Variants in PCDHA7 observed in about 807,000 individuals in gnomAD.
PCDHA7 encodes the protein protocadherin alpha 7.
In PCDHA7, 37 loss-of-function variants were observed where a neutral mutation model predicts 57.2. That is an observed-to-expected ratio of 0.65 (90% confidence interval 0.50 to 0.85). PCDHA7 has a LOEUF of 0.85. Among genes scored for constraint, PCDHA7 ranks in the 40% least tolerant of loss-of-function variants. PCDHA7 has a pLI of 0.00. For missense variants in PCDHA7, 1,188 were observed against 1,241.8 expected (o/e 0.96, Z 0.65); for synonymous variants, 553 against 558.8 (o/e 0.99, Z 0.15).
chr5:140,882,545 G>A (rs1174281421), intron 1 of PCDHA7: 4 of 1,614,238 alleles, frequency 2.5e-6, no homozygotes. Context: ...GATCGACCGC[G>A]AGGAGCTGTG....
chr5:140,999,217 A>G (rs2097851437), intron 3 of PCDHA7, among the ~76,000 whole-genome samples: 1 of 152,232 alleles, frequency 6.6e-6, no homozygotes, highest in Non-Finnish European at 1.5e-5. Context: ...TGGAAGTACT[A>G]CATTTGAGAA....
intron 1 of PCDHA7, among the ~76,000 whole-genome samples, chr5:140,891,121 T>C (rs74535477): frequency 0.041 from 6,261 of 152,308 alleles, 144 homozygotes; most frequent in Middle Eastern, 0.061. Context: ...TCAATCTAAA[T>C]GTCATTCCTT....
At chr5:140,862,755 C>A in intron 1 of PCDHA7, 1 of 577,344 alleles carries the variant, frequency 1.7e-6, no homozygotes, top group South Asian at 1.4e-5. Context: ...ACGCGGAGAG[C>A]GGCAAGAGGT....
intron 1 of PCDHA7, chr5:140,870,360 C>T (rs1562642999): frequency 6.2e-7 from 1 of 1,614,166 alleles, no homozygotes; most frequent in Non-Finnish European, 8.5e-7. Context: ...ACGTGTGGGC[C>T]TATGAACTGG....
chr5:140,856,128 G>A lies in PCDHA7; in HGVS notation c.2355+19390G>A, dbSNP rs1554148229. On this transcript the variant is annotated intron_variant, in intron 1 of 3. Coordinates refer to ENST00000525929, the MANE Select transcript of PCDHA7 (RefSeq NM_018910.3). ...CTCCTCGCAGCCTGGGAGGTGGGGA[G>A]CGGCCAGCTCCACTACTCAGTCTAC... The A allele has an allele frequency of 1.9e-6, 3 of 1,598,140 alleles. 1 individual carries two copies. The highest frequency in any genetic ancestry group is 2.6e-6 in the Non-Finnish European group (3 of 1,167,806).
intron 1 of PCDHA7, among the ~76,000 whole-genome samples, chr5:140,935,092 C>T (rs1015892831): frequency 2.6e-5 from 4 of 152,100 alleles, no homozygotes; most frequent in Non-Finnish European, 5.9e-5. Context: ...TTCCCAGAAT[C>T]AGCCATTTTT....
At chr5:140,849,879 G>T (rs1554143450) in intron 1 of PCDHA7, 2 of 1,598,636 alleles carry the variant, frequency 1.3e-6, no homozygotes, top group Admixed American at 1.7e-5. Context: ...CGAGTACACG[G>T]TGTTCGTGAA....
chr5:140,929,681 AAG>A, intron 1 of PCDHA7: 1 of 302,408 alleles, frequency 3.3e-6, no homozygotes, highest in Non-Finnish European at 6.3e-6. Flanking sequence ...AAAAATATGT[AAG>A]AGTCTGCTTT....
rs2150368391 is a variant in PCDHA7 at position 140,844,038 on chromosome 5, G to A, written c.2355+7300G>A. On this transcript the variant is annotated intron_variant, in intron 1 of 3. Transcript: ENST00000525929. ...CGTTCAGGGCATTTTGATCTTTGGT[G>A]AAAGTATTCCCCCAAAGCGTTTATT... 1.1e-4 allele frequency among the ~76,000 whole-genome samples: 17 copies of A among 149,594 alleles called. 2 individuals are homozygous for A. Among genetic ancestry groups the A allele is most frequent in the South Asian group, 2.1e-4 (1 of 4,726 alleles).
chr5:140,990,871 G>GT, intron 3 of PCDHA7, among the ~76,000 whole-genome samples: 1 of 152,284 alleles, frequency 6.6e-6, no homozygotes, highest in East Asian at 1.9e-4. Context: ...TATTTTAAGT[G>GT]TATGTTCCAG....
chr5:140,914,317 A>G (rs1016365389), intron 1 of PCDHA7, among the ~76,000 whole-genome samples: 15 of 152,122 alleles, frequency 9.9e-5, no homozygotes, highest in Non-Finnish European at 2.9e-5. Flanking sequence ...CCCCATTATC[A>G]TTGTACAAAG....
intron 3 of PCDHA7, among the ~76,000 whole-genome samples, chr5:140,984,016 T>G (rs2153832874): frequency 6.6e-6 from 1 of 152,280 alleles, no homozygotes; most frequent in Non-Finnish European, 1.5e-5. Context: ...TATTGCCAGA[T>G]TGCAAGGGGA....
intron 1 of PCDHA7, among the ~76,000 whole-genome samples, chr5:140,911,469 A>T (rs1365800005): frequency 3.3e-5 from 5 of 151,880 alleles, no homozygotes; most frequent in African/African-American, 9.7e-5. Context: ...AGGAGATAAG[A>T]CTCTCACTCA....
Position 140,834,291 on chromosome 5 carries a change from G to A in PCDHA7, c.-93G>A. 1 of 1,201,540 alleles carries A rather than the reference G, an allele frequency of 8.3e-7. No individual in the cohort carries two copies. The highest frequency in any genetic ancestry group is 1.2e-6 in the Non-Finnish European group (1 of 847,498). The allele number at this position is 1,201,540 out of a possible 1,614,324, so 74.4% of individuals were successfully genotyped here. A position where few individuals can be genotyped will look rare whatever the true frequency, so the allele number is the denominator to read the frequency against. On this transcript the variant is annotated 5_prime_UTR_variant, in exon 1 of 4. Transcript: ENST00000525929. Reference sequence around the variant, plus strand: ...TTCACTCTTTGGATGCACAACAATGGCCACACATCGAGATTGAAATGAAGG... The same window carrying A: ...TTCACTCTTTGGATGCACAACAATGACCACACATCGAGATTGAAATGAAGG...
intron 1 of PCDHA7, among the ~76,000 whole-genome samples, chr5:140,914,207 A>C (rs1485868934): frequency 6.6e-6 from 1 of 152,060 alleles, no homozygotes; most frequent in Admixed American, 6.6e-5. Context: ...TGTGATCTCT[A>C]TCTCTCTTTT....
At chr5:140,842,458 A>G (rs1777969478) in intron 1 of PCDHA7, 4 of 1,613,788 alleles carry the variant, frequency 2.5e-6, no homozygotes, top group Non-Finnish European at 3.4e-6. Flanking sequence ...ACCTCGATTC[A>G]GGTGCCAACG....
intron 1 of PCDHA7, among the ~76,000 whole-genome samples, chr5:140,974,406 T>C (rs903349256): frequency 3.9e-5 from 6 of 152,226 alleles, no homozygotes; most frequent in Non-Finnish European, 8.8e-5. Flanking sequence ...GTTCTAAAGT[T>C]ATGTTTATTT....
chr5:141,010,381 T>C lies in PCDHA7; in HGVS notation c.*444T>C. On this transcript the variant is annotated 3_prime_UTR_variant, in exon 4 of 4. Transcript: ENST00000525929. ...ACCGCGGGTATGCGAGTGCCAGATA[T>C]TGGCTGAGACGAGCCAGCTTAGACT... 2.8e-6 allele frequency: 4 copies of C among 1,442,848 alleles called. No homozygotes were observed. The highest frequency in any genetic ancestry group is 2.8e-6 in the Non-Finnish European group (3 of 1,086,990). The allele number at this position is 1,442,848 out of a possible 1,614,324, so 89.4% of individuals were successfully genotyped here.
In PCDHA7 at chr5:140,836,724, T is replaced by C. The variant is rs2150268487; in HGVS notation, c.2341T>C (p.Ser781Pro). The C allele has an allele frequency of 1.9e-6, 3 of 1,611,936 alleles. No individual in the cohort carries two copies. Among genetic ancestry groups the C allele is most frequent in the Admixed American group, 3.3e-5 (2 of 59,856 alleles). The change falls in exon 1 of 4, where the codon TCC becomes CCC. Residue 781 changes from serine to proline, a missense_variant. Transcript: ENST00000525929. ...AFSPSLPQGP[S>P]STDNPRQPNP... The stretch of plus-strand genomic sequence containing the variant: ...CAGTCCCAGCCTTCCTCAGGGTCCA[T>C]CCTCTACAGACAATGTGAGTCATAA...
Sources: gnomAD v4.1 joint callset for allele counts (sites outside exome capture counted in the v4.1 genomes callset) on GRCh38, gnomAD v4.1.1 for gene constraint, MANE v1.5 for transcripts, NCBI Gene and HGNC (gene_info 2026-07-23, HGNC 2026-07-21) for gene names.